GALNT13: variants seen among roughly 807,000 people sequenced by gnomAD.
GALNT13 encodes polypeptide N-acetylgalactosaminyltransferase 13, also known as UDP-GalNAc:polypeptide N-acetylgalactosaminyltransferase 13.
Under a neutral mutation model 64.2 loss-of-function variants are expected in GALNT13, and 28 were observed. That is an observed-to-expected ratio of 0.44 (90% confidence interval 0.32 to 0.60). GALNT13 has a LOEUF of 0.60. GALNT13 is among the 20% of genes least tolerant of loss of function. The pLI is 0.05. For missense variants in GALNT13, 577 were observed against 669.8 expected (o/e 0.86, Z 1.53); for synonymous variants, 214 against 224.6 (o/e 0.95, Z 0.42).
At chr2:153,837,945 T>A in the GALNT13 span, among the ~76,000 whole-genome samples, 1 of 152,096 alleles carries the variant, frequency 6.6e-6, no homozygotes, top group Non-Finnish European at 1.5e-5. Flanking sequence ...ATCATTTGAC[T>A]TTTTAATAAT....
At chr2:153,424,161 C>A in the GALNT13 span, among the ~76,000 whole-genome samples, 63 of 150,394 alleles carry the variant, frequency 4.2e-4, 1 homozygote, top group Middle Eastern at 3.4e-3. Context: ...GATTCTGGGT[C>A]AATTGGCTAA....
the GALNT13 span, among the ~76,000 whole-genome samples, chr2:153,440,485 C>G: frequency 1.3e-5 from 2 of 152,146 alleles, no homozygotes; most frequent in Non-Finnish European, 2.9e-5. Flanking sequence ...ATTGCTGGGT[C>G]AAATGGTATT....
chr2:153,607,710 T>C, the GALNT13 span, among the ~76,000 whole-genome samples: 1 of 152,084 alleles, frequency 6.6e-6, no homozygotes, highest in African/African-American at 2.4e-5. Context: ...TAAGGTTCTG[T>C]TTTTCTGTTT....
chr2:153,166,038 T>G, the GALNT13 span, among the ~76,000 whole-genome samples: 2 of 152,146 alleles, frequency 1.3e-5, no homozygotes, highest in African/African-American at 4.8e-5. Context: ...AACTGGAACA[T>G]TCTTGGCCAT....
chr2:153,629,308 C>T, the GALNT13 span, among the ~76,000 whole-genome samples: 1 of 151,550 alleles, frequency 6.6e-6, no homozygotes, highest in African/African-American at 2.4e-5. Flanking sequence ...AGATATAGAT[C>T]AATGGAACAG....
At chr2:153,559,719 C>A in the GALNT13 span, among the ~76,000 whole-genome samples, 1 of 151,962 alleles carries the variant, frequency 6.6e-6, no homozygotes, top group Non-Finnish European at 1.5e-5. Context: ...TGGTTATTAT[C>A]CCTATCTGTT....
the GALNT13 span, among the ~76,000 whole-genome samples, chr2:153,072,032 A>G: frequency 6.6e-6 from 1 of 152,140 alleles, no homozygotes; most frequent in Non-Finnish European, 1.5e-5. Flanking sequence ...AATTTAAAGC[A>G]TTTTTACCTC....
At chr2:154,178,166 C>T (rs533139504) in intron 4 of GALNT13, among the ~76,000 whole-genome samples, 1 of 152,192 alleles carries the variant, frequency 6.6e-6, no homozygotes, top group Admixed American at 6.5e-5. Context: ...AAGTTAGGTG[C>T]TAAGATAAGG....
intron 3 of GALNT13, among the ~76,000 whole-genome samples, chr2:153,984,187 T>C (rs1650178043): frequency 6.6e-6 from 1 of 151,854 alleles, no homozygotes; most frequent in Non-Finnish European, 1.5e-5. Flanking sequence ...TTTGAGTTCT[T>C]GTGTCTTAAC....
chr2:154,048,689 C>T (rs1477482567), intron 3 of GALNT13, among the ~76,000 whole-genome samples: 1 of 151,930 alleles, frequency 6.6e-6, no homozygotes, highest in Non-Finnish European at 1.5e-5. Context: ...TTCATGAAAA[C>T]ATCTAGTAGC....
chr2:153,720,990 A>G, the GALNT13 span, among the ~76,000 whole-genome samples: 2 of 152,100 alleles, frequency 1.3e-5, no homozygotes, highest in African/African-American at 4.8e-5. Flanking sequence ...GAGAACAGCA[A>G]CTCCAAGATA....
At chr2:154,287,081 C>T in intron 8 of GALNT13, 1 of 839,604 alleles carries the variant, frequency 1.2e-6, no homozygotes, top group South Asian at 1.3e-5. Context: ...CATCCACCCA[C>T]CTTTGGGCAA....
the GALNT13 span, among the ~76,000 whole-genome samples, chr2:153,304,638 A>C: frequency 6.6e-6 from 1 of 152,138 alleles, no homozygotes; most frequent in African/African-American, 2.4e-5. Context: ...CCCATAATTA[A>C]GGCAAAATCT....
the GALNT13 span, among the ~76,000 whole-genome samples, chr2:153,739,209 A>G: frequency 6.6e-6 from 1 of 151,892 alleles, no homozygotes; most frequent in African/African-American, 2.4e-5. Flanking sequence ...TGGCAAATGG[A>G]TTTATCTGTG....
the GALNT13 span, among the ~76,000 whole-genome samples, chr2:153,842,645 T>A: frequency 6.6e-6 from 1 of 152,148 alleles, no homozygotes; most frequent in East Asian, 1.9e-4. Context: ...TTATCCTTCA[T>A]TTTTTAAAAA....
intron 3 of GALNT13, among the ~76,000 whole-genome samples, chr2:154,010,782 T>C (rs370986662): frequency 8.7e-4 from 133 of 152,226 alleles, no homozygotes; most frequent in African/African-American, 3.2e-3. Context: ...ATTGATCTCT[T>C]CAGGGTTTCA....
rs796825818 is a variant in GALNT13, at chr2:154,189,458, T to A, written c.311+48953T>A. Among the ~76,000 whole-genome samples, 21 of 135,170 alleles carry A rather than the reference T, an allele frequency of 1.6e-4. 1 individual carries two copies. Among genetic ancestry groups the A allele is most frequent in the African/African-American group, 6.0e-4 (21 of 34,752 alleles). 88.7% of individuals were successfully genotyped at this position (135,170 alleles called of 152,430 possible). ...CACAGTGCTTGTTCACTTTCTCTCTTCTCACGTGCACACCAAAAAAAAAAA... is the reference window on the plus strand; with the variant it reads ...CACAGTGCTTGTTCACTTTCTCTCTACTCACGTGCACACCAAAAAAAAAAA... On this transcript the variant is annotated intron_variant, in intron 4 of 12. Transcript: ENST00000392825.
the GALNT13 span, among the ~76,000 whole-genome samples, chr2:153,376,151 G>C: frequency 6.6e-6 from 1 of 152,182 alleles, no homozygotes; most frequent in African/African-American, 2.4e-5. Flanking sequence ...AAGAGCTTTG[G>C]AAGCTCAAAT....
chr2:153,801,828 A>T, the GALNT13 span, among the ~76,000 whole-genome samples: 4 of 152,104 alleles, frequency 2.6e-5, no homozygotes, highest in Non-Finnish European at 4.4e-5. Context: ...ATGCTTGTGT[A>T]TGGCTTTTTT....
Sources: gnomAD v4.1 joint callset for allele counts (sites outside exome capture counted in the v4.1 genomes callset) on GRCh38, gnomAD v4.1.1 for gene constraint, MANE v1.5 for transcripts, NCBI Gene and HGNC (gene_info 2026-07-23, HGNC 2026-07-21) for gene names.